The following PACRG variants were observed in gnomAD, a reference collection of about 807,000 sequenced individuals.
The protein encoded by PACRG is parkin coregulated gene protein.
Under a neutral mutation model 29.7 loss-of-function variants are expected in PACRG, and 29 were observed. The observed-to-expected ratio is 0.98, with a 90% CI of 0.73 to 1.33. The LOEUF (loss-of-function observed/expected upper bound fraction) is 1.33, where lower values mean the gene tolerates loss of function less well. Among genes scored for constraint, PACRG ranks in the 40% most tolerant of loss-of-function variants. The pLI, the probability that PACRG is intolerant of heterozygous loss-of-function variation, is 0.00. For missense variants in PACRG, 279 were observed against 316.2 expected (o/e 0.88, Z 0.89); for synonymous variants, 116 against 118.7 (o/e 0.98, Z 0.15).
intron 2 of PACRG, among the ~76,000 whole-genome samples, chr6:162,914,883 T>C (rs923227813): frequency 6.6e-6 from 1 of 152,064 alleles, no homozygotes; most frequent in Non-Finnish European, 1.5e-5. Context: ...AATAATTTTG[T>C]AAAAATCTTG....
chr6:162,966,855 T>C (rs757604091), intron 2 of PACRG, among the ~76,000 whole-genome samples: 1 of 152,170 alleles, frequency 6.6e-6, no homozygotes, highest in Non-Finnish European at 1.5e-5. Flanking sequence ...GTAAGAAAAC[T>C]GGTAAGCTAA....
At chr6:163,274,091 T>G (rs930950779) in intron 4 of PACRG, among the ~76,000 whole-genome samples, 1 of 152,142 alleles carries the variant, frequency 6.6e-6, no homozygotes, top group African/African-American at 2.4e-5. Flanking sequence ...GCAGGTTTGT[T>G]ACATATGTAT....
At chr6:163,184,435 G>A (rs531886060) in intron 4 of PACRG, among the ~76,000 whole-genome samples, 1 of 152,238 alleles carries the variant, frequency 6.6e-6, no homozygotes, top group East Asian at 1.9e-4. Flanking sequence ...ACAAATTATG[G>A]TGAAATTTTC....
intron 1 of PACRG, among the ~76,000 whole-genome samples, chr6:162,760,819 C>T (rs925584856): frequency 9.2e-5 from 14 of 152,222 alleles, no homozygotes; most frequent in African/African-American, 2.9e-4. Flanking sequence ...CCAGATACTC[C>T]GCCCAGAGTA....
chr6:163,115,912 T>G (rs931708645), intron 4 of PACRG, among the ~76,000 whole-genome samples: 1 of 152,206 alleles, frequency 6.6e-6, no homozygotes, highest in African/African-American at 2.4e-5. Context: ...AGCGAGCCAC[T>G]TCAGCTGCTG....
intron 4 of PACRG, among the ~76,000 whole-genome samples, chr6:163,111,731 T>C (rs761331705): frequency 1.2e-4 from 19 of 152,234 alleles, no homozygotes; most frequent in Non-Finnish European, 1.8e-4. Context: ...TGTGAAATAA[T>C]CTGTGAGATT....
intron 4 of PACRG, among the ~76,000 whole-genome samples, chr6:163,246,727 A>AT (rs887784501): frequency 6.6e-6 from 1 of 152,190 alleles, no homozygotes; most frequent in South Asian, 2.1e-4. Flanking sequence ...ACACATATTT[A>AT]TTTTTTCACA....
chr6:162,817,183 GT>G (rs938936643), intron 2 of PACRG, among the ~76,000 whole-genome samples: 6 of 152,212 alleles, frequency 3.9e-5, no homozygotes, highest in Non-Finnish European at 1.5e-5. Flanking sequence ...GGTCATTCCA[GT>G]CTGTGAATGT....
chr6:162,929,501 G>C (rs1273382010), intron 2 of PACRG, among the ~76,000 whole-genome samples: 2 of 152,118 alleles, frequency 1.3e-5, no homozygotes, highest in South Asian at 2.1e-4. Flanking sequence ...TAGATAGTTT[G>C]TGAATATTTT....
At chr6:162,896,452 G>A (rs1471289099) in intron 2 of PACRG, among the ~76,000 whole-genome samples, 3 of 152,180 alleles carry the variant, frequency 2.0e-5, no homozygotes, top group Non-Finnish European at 2.9e-5. Context: ...CGCATCCCAC[G>A]GTGCTGGCAG....
At chr6:162,971,024 G>A (rs1435124992) in intron 2 of PACRG, among the ~76,000 whole-genome samples, 1 of 152,228 alleles carries the variant, frequency 6.6e-6, no homozygotes, top group African/African-American at 2.4e-5. Flanking sequence ...GTTAGATCCA[G>A]TCTCCACAGC....
intron 2 of PACRG, 118 bp downstream of exon 2, chr6:162,814,399 A>G: frequency 7.6e-7 from 1 of 1,320,540 alleles, no homozygotes; most frequent in South Asian, 1.6e-5. Context: ...CACATGGAAG[A>G]TGGTGGGAAA....
At position 163,075,170 on chromosome 6, in the gene PACRG, T is replaced by C. The variant is rs141202248; in HGVS notation, c.463+12849T>C. 1.6e-3 allele frequency among the ~76,000 whole-genome samples: 245 copies of C among 152,110 alleles called. 1 individual carries two copies. The highest frequency in any genetic ancestry group is 5.5e-3 in the African/African-American group (229 of 41,510). On this transcript the variant is annotated intron_variant, in intron 3 of 4. Transcript: ENST00000366888. ...TTCATGAAATGATCAAGGTGGAAAA[T>C]ATAACTTACCAAAACTGACACCTGA...
Position 162,747,402 on chromosome 6 carries a change from G to GTAAAAC in PACRG, c.156+19013_156+19014insAAACTA, listed in dbSNP as rs1562556933. On this transcript the variant is annotated intron_variant, in intron 1 of 4. Coordinates refer to ENST00000366888, the MANE Select transcript of PACRG (RefSeq NM_001080379.2). ...TATGTATATATATGTATATATATATGTATATATATATATAACTATAAATAT... is the reference window on the plus strand; with the variant it reads ...TATGTATATATATGTATATATATATGTAAAACTATATATATATATAACTATAAATAT... Among the ~76,000 whole-genome samples, 124 of 27,388 alleles carry GTAAAAC rather than the reference G, an allele frequency of 4.5e-3. 2 individuals carry two copies. Among genetic ancestry groups the GTAAAAC allele is most frequent in the African/African-American group, 5.9e-3 (27 of 4,588 alleles). The allele number at this position is 27,388 out of a possible 152,430, so 18.0% of individuals were successfully genotyped here. A position where few individuals can be genotyped will look rare whatever the true frequency, so the allele number is the denominator to read the frequency against.
At chr6:163,219,333 G>A (rs900362008) in intron 4 of PACRG, among the ~76,000 whole-genome samples, 1 of 152,094 alleles carries the variant, frequency 6.6e-6, no homozygotes, top group Non-Finnish European at 1.5e-5. Context: ...CAAAGCTCAT[G>A]GGCTCTGCCC....
chr6:162,775,079 G>C (rs1283115780), intron 1 of PACRG, among the ~76,000 whole-genome samples: 2 of 152,146 alleles, frequency 1.3e-5, no homozygotes, highest in Non-Finnish European at 2.9e-5. Flanking sequence ...GAGTATGGAG[G>C]CCTCATGAAT....
chr6:163,030,512 C>T (rs1036899446), intron 2 of PACRG, among the ~76,000 whole-genome samples: 1 of 152,104 alleles, frequency 6.6e-6, no homozygotes, highest in African/African-American at 2.4e-5. Context: ...TGTTATGTCA[C>T]AGGAAAGGGG....
At chr6:162,796,500 C>T (rs921711867) in intron 1 of PACRG, among the ~76,000 whole-genome samples, 2 of 151,946 alleles carry the variant, frequency 1.3e-5, no homozygotes, top group Admixed American at 1.3e-4. Flanking sequence ...AACGGTATAT[C>T]ACCTATAGCC....
chr6:162,808,493 TATG>T (rs1410550683), intron 1 of PACRG, among the ~76,000 whole-genome samples: 9 of 152,194 alleles, frequency 5.9e-5, no homozygotes, highest in African/African-American at 2.2e-4. Context: ...TTTCAAACTA[TATG>T]ATGAAGACTT....
Sources: gnomAD v4.1 joint callset for allele counts (sites outside exome capture counted in the v4.1 genomes callset) on GRCh38, gnomAD v4.1.1 for gene constraint, MANE v1.5 for transcripts, NCBI Gene and HGNC (gene_info 2026-07-23, HGNC 2026-07-21) for gene names.